TBL1X: variants seen among roughly 807,000 people sequenced by gnomAD.
The protein encoded by TBL1X is F-box-like/WD repeat-containing protein TBL1X.
In TBL1X, 10 loss-of-function variants were observed where a neutral mutation model predicts 50.7. The ratio of observed to expected loss-of-function variants is 0.20; its 90% CI spans 0.12 to 0.33. The LOEUF (loss-of-function observed/expected upper bound fraction) is 0.33, where lower values mean the gene tolerates loss of function less well. Ranked by LOEUF, TBL1X falls within the 10% of genes least tolerant of loss-of-function variation. TBL1X has a pLI of 1.00. For synonymous variants in TBL1X, 190 were observed against 214.7 expected, an observed-to-expected ratio of 0.88 and a Z score of 1.01; for missense variants, 340 against 504.4, an observed-to-expected ratio of 0.67 and a Z score of 3.12.
intron 5 of TBL1X, among the ~76,000 whole-genome samples, chrX:9,674,129 CAATT>C (rs772509461): frequency 4.4e-4 from 49 of 112,327 alleles, no homozygotes; most frequent in Non-Finnish European, 5.4e-4. Context: ...AACAATACAA[CAATT>C]AAGATAATAC....
chrX:9,584,476 G>A (rs898248343), intron 2 of TBL1X, among the ~76,000 whole-genome samples: 12 of 112,205 alleles, frequency 1.1e-4, no homozygotes, highest in Non-Finnish European at 1.9e-4. Flanking sequence ...CAAAGTGGGA[G>A]GAGCTATATG....
At chrX:9,715,331 T>TTTTGGGAACGTTCCCA (rs2083271904) in intron 17 of TBL1X, among the ~76,000 whole-genome samples, 1 of 111,915 alleles carries the variant, frequency 8.9e-6, no homozygotes, top group Non-Finnish European at 1.9e-5. Context: ...GACGGGAACG[T>TTTTGGGAACGTTCCCA]TTTGGGAAAT....
At chrX:9,587,217 T>A (rs1363580765) in intron 2 of TBL1X, among the ~76,000 whole-genome samples, 1 of 111,845 alleles carries the variant, frequency 8.9e-6, no homozygotes, top group Non-Finnish European at 1.9e-5. Context: ...AACCCATCTG[T>A]GTCGGGAGTG....
At chrX:9,714,319 C>G (rs1000455509) in intron 16 of TBL1X, among the ~76,000 whole-genome samples, 2 of 112,207 alleles carry the variant, frequency 1.8e-5, no homozygotes, top group African/African-American at 6.5e-5. Context: ...AATTTAATTG[C>G]TACTGGGGTG....
chrX:9,710,216 C>CA (rs35056016), intron 15 of TBL1X, among the ~76,000 whole-genome samples: 621 of 55,017 alleles, frequency 0.011, 7 homozygotes, highest in African/African-American at 0.032. Context: ...GACCATGTCT[C>CA]AAAAAAAAAA....
At chrX:9,480,309 T>C (rs961354299) in intron 1 of TBL1X, among the ~76,000 whole-genome samples, 1 of 111,933 alleles carries the variant, frequency 8.9e-6, no homozygotes, top group Non-Finnish European at 1.9e-5. Context: ...ATATGGTTTT[T>C]GTAAAAGGGA....
rs182091249 is a variant in TBL1X at position 9,579,109 on chromosome X, G to T, written c.-130-61164G>T. 3.0e-3 allele frequency among the ~76,000 whole-genome samples: 333 copies of T among 111,894 alleles called. 1 individual carries two copies. Among genetic ancestry groups the T allele is most frequent in the African/African-American group, 0.011 (325 of 30,761 alleles). ...AATGTGTGAAGTACCCTGTGTGCCA[G>T]AGATGGAAAGTAAAACCACAGAAGC... On this transcript the variant is annotated intron_variant, in intron 2 of 17. Coordinates refer to ENST00000645353, the MANE Select transcript of TBL1X (RefSeq NM_005647.4).
intron 2 of TBL1X, among the ~76,000 whole-genome samples, chrX:9,565,407 A>C (rs2082346363): frequency 9.0e-6 from 1 of 111,255 alleles, no homozygotes; most frequent in African/African-American, 3.3e-5. Context: ...GAAAACGTGG[A>C]AGGGTCAGTG....
rs760782104 is a variant in TBL1X at position 9,618,978 on chromosome X, G to C, written c.-130-21295G>C. 5.4e-5 allele frequency among the ~76,000 whole-genome samples: 6 copies of C among 111,457 alleles called. No individual in the cohort carries two copies. In the East Asian group the frequency reaches 1.7e-3, roughly 32 times the overall value. ...TTCATGAAGGGTCTTCAAAGCATTG[G>C]GGGTGTTTGGTGTACGGTAGTGATT... On this transcript the variant is annotated intron_variant, in intron 2 of 17. Coordinates refer to ENST00000645353, the MANE Select transcript of TBL1X (RefSeq NM_005647.4).
chrX:9,701,533 A>G (rs138098780), intron 12 of TBL1X, among the ~76,000 whole-genome samples: 149 of 100,927 alleles, frequency 1.5e-3, no homozygotes, highest in African/African-American at 5.2e-3. Context: ...TGGGCCACAC[A>G]TAAAATACGC....
rs139030518 is a variant in TBL1X at position 9,698,533 on chromosome X, T to C, written c.1114+1104T>C. On this transcript the variant is annotated intron_variant, in intron 12 of 17. Coordinates refer to ENST00000645353, the MANE Select transcript of TBL1X (RefSeq NM_005647.4). ...TTGTAACTATGCCTGTGAAGTGTTTTATACCAGGGAAGCTCCATAGAGTCT... is the reference window on the plus strand; with the variant it reads ...TTGTAACTATGCCTGTGAAGTGTTTCATACCAGGGAAGCTCCATAGAGTCT... 1.8e-3 allele frequency among the ~76,000 whole-genome samples: 201 copies of C among 112,018 alleles called. 2 individuals carry two copies. The highest frequency in any genetic ancestry group is 6.2e-3 in the African/African-American group (192 of 30,815).
At chrX:9,636,881 C>G (rs1200568844) in intron 2 of TBL1X, 1 of 112,302 alleles carries the variant, frequency 8.9e-6, no homozygotes, top group Non-Finnish European at 1.9e-5. Context: ...ACCAGCTGAT[C>G]TGCATATAGG....
intron 2 of TBL1X, among the ~76,000 whole-genome samples, chrX:9,627,712 A>G (rs1364454401): frequency 8.9e-6 from 1 of 112,335 alleles, no homozygotes; most frequent in African/African-American, 3.2e-5. Flanking sequence ...TACTCCCTTC[A>G]ATATAAATTA....
In TBL1X at chrX:9,480,108, C is replaced by T. The variant is rs367876995; in HGVS notation, c.-201+14661C>T. On this transcript the variant is annotated intron_variant, in intron 1 of 17. Transcript: ENST00000645353. The stretch of plus-strand genomic sequence containing the variant: ...TAGCTGAGATTAAGGACATGCGCCA[C>T]CACCTCCGGCTAATTTTGTATTTTT... Among the ~76,000 whole-genome samples, 5 of 111,189 alleles carry T rather than the reference C, an allele frequency of 4.5e-5. No individual in the cohort carries two copies. The South Asian group carries it at 1.1e-3, about 25-fold the overall frequency.
At chrX:9,617,750 G>A (rs2082646263) in intron 2 of TBL1X, among the ~76,000 whole-genome samples, 1 of 112,364 alleles carries the variant, frequency 8.9e-6, no homozygotes, top group African/African-American at 3.2e-5. Context: ...TATAAGCAAC[G>A]CTGAGTTCCT....
chrX:9,561,228 C>T (rs149168785), intron 2 of TBL1X, among the ~76,000 whole-genome samples: 66 of 111,961 alleles, frequency 5.9e-4, no homozygotes, highest in African/African-American at 2.0e-3. Context: ...ATTATGAAGG[C>T]ACCCATTTCC....
intron 2 of TBL1X, among the ~76,000 whole-genome samples, chrX:9,560,961 T>G (rs1265399886): frequency 9.0e-6 from 1 of 111,316 alleles, no homozygotes; most frequent in Non-Finnish European, 1.9e-5. Context: ...TAGAAACATC[T>G]CCCACCCCAA....
intron 2 of TBL1X, among the ~76,000 whole-genome samples, chrX:9,612,202 G>A (rs750711257): frequency 1.2e-3 from 136 of 112,139 alleles, no homozygotes; most frequent in Non-Finnish European, 2.3e-3. Context: ...CGGGGAGGGG[G>A]GAAGAAAAGA....
intron 2 of TBL1X, among the ~76,000 whole-genome samples, chrX:9,625,160 TTA>T (rs896229191): frequency 8.9e-6 from 1 of 112,634 alleles, no homozygotes; most frequent in African/African-American, 3.2e-5. Flanking sequence ...TTTTAAATTT[TTA>T]TGTGTTTAAT....
Sources: allele counts gnomAD v4.1 joint callset (sites outside exome capture counted in the v4.1 genomes callset), GRCh38; gene constraint gnomAD v4.1.1; transcripts MANE v1.5; gene names NCBI Gene and HGNC (gene_info 2026-07-23, HGNC 2026-07-21).